Variants in UBE2K observed in about 807,000 individuals in gnomAD.
UBE2K encodes the protein ubiquitin-conjugating enzyme E2 K.
Under a neutral mutation model 30.0 loss-of-function variants are expected in UBE2K, and 6 were observed. The ratio of observed to expected loss-of-function variants is 0.20; its 90% CI spans 0.11 to 0.39. The LOEUF is 0.39. UBE2K is among the 10% of genes least tolerant of loss of function. The pLI, the probability that UBE2K is intolerant of heterozygous loss-of-function variation, is 1.00. For synonymous variants in UBE2K, 86 were observed against 83.7 expected (o/e 1.03, Z -0.15); for missense variants, 61 against 241.6 (o/e 0.25, Z 4.96).
rs1713417464 is a variant in UBE2K at position 39,778,583 on chromosome 4, AAT to A, written c.*150_*151del. 2.0e-6 allele frequency: 1 copy of A among 503,462 alleles called. No individual in the cohort carries two copies. Among genetic ancestry groups the A allele is most frequent in the Non-Finnish European group, 3.5e-6 (1 of 284,862 alleles). The allele number at this position is 503,462 out of a possible 1,614,324, so 31.2% of individuals were successfully genotyped here. A position where few individuals can be genotyped will look rare whatever the true frequency, so the allele number is the denominator to read the frequency against. ...GCACCATTGGAGACTGAAAAAAAAA[AAT>A]CCCTGCTCTGTAAATAAAGCTAATT... is the stretch of plus-strand genomic sequence containing the variant. On this transcript the variant is annotated 3_prime_UTR_variant, in exon 7 of 7. Transcript: ENST00000261427.
Position 39,767,336 on chromosome 4 carries a change from G to GT in UBE2K, c.300-7495dup, listed in dbSNP as rs139500419. Among the ~76,000 whole-genome samples, 362 of 143,880 alleles carry GT rather than the reference G, an allele frequency of 2.5e-3. 11 individuals are homozygous for GT. In the East Asian group the frequency reaches 0.051, roughly 20 times the overall value. The allele number at this position is 143,880 out of a possible 152,430, so 94.4% of individuals were successfully genotyped here. ...GTGTGTGTGTTTTGTTTGTTTGTTT[G>GT]TTTGTTTTTTGAGATGGAGTCTGGC... is the stretch of plus-strand genomic sequence containing the variant. On this transcript the variant is annotated intron_variant, in intron 4 of 6. Transcript: ENST00000261427.
At chr4:39,740,481 T>C (rs1323860756) in intron 2 of UBE2K, among the ~76,000 whole-genome samples, 1 of 148,594 alleles carries the variant, frequency 6.7e-6, no homozygotes, top group Non-Finnish European at 1.5e-5. Flanking sequence ...AGGCGGAGCC[T>C]TCAGTGAGCC....
At chr4:39,699,826 G>GAGA in intron 1 of UBE2K, among the ~76,000 whole-genome samples, 1 of 152,280 alleles carries the variant, frequency 6.6e-6, no homozygotes, top group African/African-American at 2.4e-5. Context: ...GTTTTACAGA[G>GAGA]CATGTGTATG....
intron 3 of UBE2K, among the ~76,000 whole-genome samples, chr4:39,754,542 G>A (rs1231447354): frequency 2.0e-5 from 3 of 152,130 alleles, no homozygotes; most frequent in Non-Finnish European, 4.4e-5. Context: ...AGTTGGTCGT[G>A]TTCTGTTGCC....
intron 1 of UBE2K, among the ~76,000 whole-genome samples, chr4:39,726,680 C>G (rs1719770294): frequency 6.6e-6 from 1 of 152,152 alleles, no homozygotes; most frequent in Non-Finnish European, 1.5e-5. Flanking sequence ...ACTGCAACCT[C>G]TGCCTCCTGG....
At chr4:39,712,621 C>T (rs1159746966) in intron 1 of UBE2K, among the ~76,000 whole-genome samples, 1 of 151,852 alleles carries the variant, frequency 6.6e-6, no homozygotes, top group Non-Finnish European at 1.5e-5. Flanking sequence ...AGAGTTTCAC[C>T]ATGTTGGTCA....
chr4:39,771,089 C>G, intron 4 of UBE2K: 1 of 1,612,656 alleles, frequency 6.2e-7, no homozygotes, highest in Non-Finnish European at 8.5e-7. Context: ...TGGCATTTCT[C>G]CACCACGTGC....
chr4:39,777,807 T>C lies in UBE2K; in HGVS notation c.525T>C (p.Asp175=). The change falls in exon 6 of 7, where the codon GAT becomes GAC. Residue 175 remains aspartate (D), a synonymous_variant. Coordinates refer to ENST00000261427, the MANE Select transcript of UBE2K (RefSeq NM_005339.5). ...KIENLCAMGF[D]RNAVIVALSS... Reference sequence around the variant, plus strand: ...AAAACCTATGTGCTATGGGCTTTGATAGGGTAAGTACATAAGGGCATGTTG... The same window carrying C: ...AAAACCTATGTGCTATGGGCTTTGACAGGGTAAGTACATAAGGGCATGTTG... 2 of 1,500,814 alleles carry C rather than the reference T, an allele frequency of 1.3e-6. No homozygotes were observed. Among genetic ancestry groups the C allele is most frequent in the African/African-American group, 1.4e-5 (1 of 69,052 alleles). The allele number at this position is 1,500,814 out of a possible 1,614,324, so 93.0% of individuals were successfully genotyped here.
intron 2 of UBE2K, among the ~76,000 whole-genome samples, chr4:39,743,722 T>C (rs1450245893): frequency 6.6e-6 from 1 of 152,242 alleles, no homozygotes; most frequent in Non-Finnish European, 1.5e-5. Context: ...CTCATAGTCT[T>C]ATAAATAAAT....
chr4:39,712,130 C>G (rs1174502496), intron 1 of UBE2K, among the ~76,000 whole-genome samples: 1 of 150,560 alleles, frequency 6.6e-6, no homozygotes, highest in Non-Finnish European at 1.5e-5. Context: ...AACCGCCCCC[C>G]CTTTTTTTTT....
chr4:39,711,997 C>T (rs144121393), intron 1 of UBE2K, among the ~76,000 whole-genome samples: 2,634 of 150,942 alleles, frequency 0.017, 52 homozygotes, highest in Non-Finnish European at 0.022. Flanking sequence ...GCCGAGATTG[C>T]GCCATTGCAT....
chr4:39,711,251 C>CT (rs1288238489), intron 1 of UBE2K, among the ~76,000 whole-genome samples: 1 of 148,198 alleles, frequency 6.7e-6, no homozygotes, highest in Admixed American at 6.7e-5. Context: ...CAAGCTCTGC[C>CT]TCCCGGGGTC....
At position 39,757,018 on chromosome 4, in the gene UBE2K, G is replaced by GTTTTTTTTTTTTTTTTTTTT. The variant is rs1227834116; in HGVS notation, c.299+1285_299+1286insTTTTTTTTTTTTTTTTTTTT. On this transcript the variant is annotated intron_variant, in intron 4 of 6. Transcript: ENST00000261427. The stretch of plus-strand genomic sequence containing the variant: ...TTTGGGTGTTTTTTTTTTGTTTTTT[G>GTTTTTTTTTTTTTTTTTTTT]TTTTTTGTTTTTTGTTTTTTTTTTG... Among the ~76,000 whole-genome samples, 38 of 72,082 alleles carry GTTTTTTTTTTTTTTTTTTTT rather than the reference G, an allele frequency of 5.3e-4. 2 individuals carry two copies. The highest frequency in any genetic ancestry group is 8.6e-4 in the Non-Finnish European group (32 of 37,224). 47.3% of individuals were successfully genotyped at this position (72,082 alleles called of 152,430 possible).
In UBE2K at chr4:39,779,042, A is replaced by ACCT. The variant is rs2064838347; in HGVS notation, c.*610_*611insTCC. The ACCT allele has an allele frequency of 7.8e-6, 1 of 128,224 alleles. No individual in the cohort carries two copies. Among genetic ancestry groups the ACCT allele is most frequent in the African/African-American group, 3.0e-5 (1 of 32,820 alleles). 7.9% of individuals were successfully genotyped at this position (128,224 alleles called of 1,614,324 possible). A position where few individuals can be genotyped will look rare whatever the true frequency, so the allele number is the denominator to read the frequency against. ...TGGGACAGTGTCTGATTCCCCCTTCACCCCCCCCACCCCCGCCTTGCCACA... is the reference window on the plus strand; with the variant it reads ...TGGGACAGTGTCTGATTCCCCCTTCACCTCCCCCCCCACCCCCGCCTTGCCACA... On this transcript the variant is annotated 3_prime_UTR_variant, in exon 7 of 7. Coordinates refer to ENST00000261427, the MANE Select transcript of UBE2K (RefSeq NM_005339.5).
intron 4 of UBE2K, among the ~76,000 whole-genome samples, chr4:39,763,796 A>G (rs1271997504): frequency 6.6e-6 from 1 of 152,152 alleles, no homozygotes; most frequent in East Asian, 1.9e-4. Flanking sequence ...TGCCACCCAG[A>G]CTAGAGTGCT....
intron 3 of UBE2K, among the ~76,000 whole-genome samples, chr4:39,748,984 T>C (rs1425616153): frequency 6.6e-6 from 1 of 152,238 alleles, no homozygotes; most frequent in Admixed American, 6.5e-5. Flanking sequence ...GGAATATTTA[T>C]GTAAATTTCT....
At chr4:39,765,180 T>C (rs1024037795) in intron 4 of UBE2K, among the ~76,000 whole-genome samples, 2 of 152,214 alleles carry the variant, frequency 1.3e-5, no homozygotes, top group Non-Finnish European at 2.9e-5. Flanking sequence ...CCACTGTGTC[T>C]GGCCTACTTA....
chr4:39,732,463 A>G (rs548414343), intron 1 of UBE2K, among the ~76,000 whole-genome samples: 2 of 152,282 alleles, frequency 1.3e-5, no homozygotes, highest in South Asian at 2.1e-4. Flanking sequence ...TACAGTGATG[A>G]TGGTAACAAT....
At chr4:39,702,500 C>T (rs530475051) in intron 1 of UBE2K, among the ~76,000 whole-genome samples, 5 of 151,972 alleles carry the variant, frequency 3.3e-5, no homozygotes, top group South Asian at 4.2e-4. Flanking sequence ...GTGATCCACC[C>T]GCCTCGACTT....
Sources: gnomAD v4.1 joint callset for allele counts (sites outside exome capture counted in the v4.1 genomes callset) on GRCh38, gnomAD v4.1.1 for gene constraint, MANE v1.5 for transcripts, NCBI Gene and HGNC (gene_info 2026-07-23, HGNC 2026-07-21) for gene names.